Variants in ASTN1 observed in about 807,000 individuals in gnomAD.
The protein encoded by ASTN1 is astrotactin 1.
ASTN1 carries 41 observed loss-of-function variants against 140.7 expected under a neutral mutation model. The ratio of observed to expected loss-of-function variants is 0.29; its 90% CI spans 0.23 to 0.38. The LOEUF is 0.38. ASTN1 is among the 10% of genes least tolerant of loss of function. The pLI, the probability that ASTN1 is intolerant of heterozygous loss-of-function variation, is 1.00. For synonymous variants in ASTN1, 640 were observed against 652.2 expected (o/e 0.98, Z 0.29); for missense variants, 1,479 against 1,678.8 (o/e 0.88, Z 2.08).
At chr1:177,138,501 A>C (rs1295026403) in intron 1 of ASTN1, among the ~76,000 whole-genome samples, 1 of 152,216 alleles carries the variant, frequency 6.6e-6, no homozygotes, top group East Asian at 1.9e-4. Context: ...GGGAAAGCAC[A>C]GAAAGGAGAG....
At chr1:176,992,786 T>C (rs1229217822) in intron 8 of ASTN1, among the ~76,000 whole-genome samples, 1 of 152,196 alleles carries the variant, frequency 6.6e-6, no homozygotes, top group Non-Finnish European at 1.5e-5. Context: ...TAGCACTATT[T>C]GGTCATTGAT....
Position 176,946,119 on chromosome 1 carries a change from A to C in ASTN1, c.2056T>G (p.Cys686Gly). 6.3e-7 allele frequency: 1 copy of C among 1,598,538 alleles called. No individual in the cohort carries two copies. Among genetic ancestry groups the C allele is most frequent in the Admixed American group, 1.7e-5 (1 of 59,292 alleles). The change falls in exon 13 of 23, where the codon TGC (cysteine) becomes GGC (glycine). Residue 686 changes from cysteine (C) to glycine (G), a missense_variant and splice_region_variant. Coordinates refer to ENST00000361833, the MANE Select transcript of ASTN1 (RefSeq NM_004319.3). ...ACACCAAGCTTGTAGTCCTCGATGC[A>C]CCTAGCACAGAGGAGAGCTCAATAT... ...TLYNILMFCG[C>G]IEDYKLGVDG...
chr1:176,935,454 T>C (rs7521505), intron 15 of ASTN1, among the ~76,000 whole-genome samples: 8,594 of 152,270 alleles, frequency 0.056, 744 homozygotes, highest in African/African-American at 0.19. Flanking sequence ...GTCCCCATCC[T>C]AATCACTTCT....
intron 1 of ASTN1, among the ~76,000 whole-genome samples, chr1:177,073,121 C>T (rs1678724445): frequency 6.6e-6 from 1 of 152,108 alleles, no homozygotes; most frequent in African/African-American, 2.4e-5. Context: ...GAGAGGTATA[C>T]AGCATTGGTA....
At position 176,957,532 on chromosome 1, in the gene ASTN1, C is replaced by T. The variant is rs1672461123; in HGVS notation, c.1887+146G>A. 3.8e-6 allele frequency: 4 copies of T among 1,066,572 alleles called. No homozygotes were observed. In the East Asian group the frequency reaches 7.8e-5, roughly 21 times the overall value. The allele number at this position is 1,066,572 out of a possible 1,614,324, so 66.1% of individuals were successfully genotyped here. On this transcript the variant is annotated intron_variant, in intron 11 of 22. Transcript: ENST00000361833. Reference sequence around the variant, plus strand: ...TTCATGATTACCTTCTCATCCTTATCAAGAGAAAATCCCTAATTTACACTA... The same window carrying T: ...TTCATGATTACCTTCTCATCCTTATTAAGAGAAAATCCCTAATTTACACTA...
Position 177,023,580 on chromosome 1 carries a change from TGAGA to T in ASTN1, c.1271-13_1271-10del, listed in dbSNP as rs1262291390. On this transcript the variant is annotated splice_polypyrimidine_tract_variant and intron_variant, in intron 6 of 22. Coordinates refer to ENST00000361833, the MANE Select transcript of ASTN1 (RefSeq NM_004319.3). ...CAAGATGAAGCGGCTCCCTGCAGGG[TGAGA>T]GAAAGGAAGCATGCCTATATGTGCA... 6.4e-7 allele frequency: 1 copy of T among 1,569,520 alleles called. No individual in the cohort carries two copies. Among genetic ancestry groups the T allele is most frequent in the Non-Finnish European group, 8.6e-7 (1 of 1,162,974 alleles).
Position 176,955,916 on chromosome 1 carries a change from C to T in ASTN1, c.1887+1762G>A, listed in dbSNP as rs75777932. Among the ~76,000 whole-genome samples the T allele has an allele frequency of 8.8e-3, 1,335 of 152,252 alleles. 14 individuals carry two copies. The highest frequency in any genetic ancestry group is 9.7e-3 in the East Asian group (50 of 5,176). ...CACAGTGTTTCAGCACTTAGAATGA[C>T]GCCAGACAGTAATAAGAAATGAAAG... On this transcript the variant is annotated intron_variant, in intron 11 of 22. Transcript: ENST00000361833.
At chr1:176,970,604 TAGAC>T (rs921534814) in intron 8 of ASTN1, among the ~76,000 whole-genome samples, 43 of 150,886 alleles carry the variant, frequency 2.8e-4, no homozygotes, top group Admixed American at 5.3e-4. Context: ...GATAGATAGA[TAGAC>T]AGACAGACAG....
intron 1 of ASTN1, among the ~76,000 whole-genome samples, chr1:177,155,070 A>T (rs1683184443): frequency 6.6e-6 from 1 of 152,228 alleles, no homozygotes; most frequent in South Asian, 2.1e-4. Flanking sequence ...GATGTCAATA[A>T]ATCTTAAATG....
intron 16 of ASTN1, among the ~76,000 whole-genome samples, chr1:176,917,747 C>A (rs1285071231): frequency 6.6e-6 from 1 of 152,094 alleles, no homozygotes; most frequent in Non-Finnish European, 1.5e-5. Context: ...CTACTGCCAG[C>A]ATCCTCACAT....
chr1:177,138,380 C>G (rs559558685), intron 1 of ASTN1, among the ~76,000 whole-genome samples: 1 of 152,308 alleles, frequency 6.6e-6, no homozygotes, highest in Admixed American at 6.5e-5. Context: ...TCACATTCAA[C>G]TACAATCAGT....
At chr1:177,136,156 T>C (rs999526798) in intron 1 of ASTN1, among the ~76,000 whole-genome samples, 5 of 152,160 alleles carry the variant, frequency 3.3e-5, no homozygotes, top group Admixed American at 1.3e-4. Flanking sequence ...GGCACCCCTA[T>C]GCCTCACAAG....
At chr1:176,948,437 A>G (rs1327240750) in intron 12 of ASTN1, among the ~76,000 whole-genome samples, 3 of 152,340 alleles carry the variant, frequency 2.0e-5, no homozygotes, top group Middle Eastern at 3.4e-3. Flanking sequence ...GTATAAATTT[A>G]AATTTCCAGA....
intron 5 of ASTN1, 40 bp from the exon 6 acceptor site, chr1:177,024,772 G>C: frequency 6.3e-7 from 1 of 1,595,766 alleles, no homozygotes; most frequent in East Asian, 2.3e-5. Context: ...GTGGTAAAAA[G>C]CTTGGCATTG....
chr1:176,942,594 G>T (rs1474603234), intron 14 of ASTN1, among the ~76,000 whole-genome samples: 5 of 151,672 alleles, frequency 3.3e-5, no homozygotes, highest in Non-Finnish European at 7.4e-5. Context: ...GAACTGCTTA[G>T]GGCAAACCTG....
chr1:176,877,760 C>T (rs1668624093), intron 20 of ASTN1, among the ~76,000 whole-genome samples: 1 of 152,140 alleles, frequency 6.6e-6, no homozygotes, highest in Non-Finnish European at 1.5e-5. Context: ...TGTGTCACCA[C>T]AGGAGGCTGC....
chr1:177,093,567 G>A (rs1679879740), intron 1 of ASTN1, among the ~76,000 whole-genome samples: 1 of 152,152 alleles, frequency 6.6e-6, no homozygotes, highest in Admixed American at 6.5e-5. Flanking sequence ...TTAGTACTCT[G>A]AGGTGTCACT....
chr1:176,975,752 C>A (rs544878257), intron 8 of ASTN1, among the ~76,000 whole-genome samples: 1 of 152,326 alleles, frequency 6.6e-6, no homozygotes, highest in East Asian at 1.9e-4. Context: ...TTTGGTACAT[C>A]AGATTCACCC....
At chr1:176,927,772 A>G (rs926230867) in intron 16 of ASTN1, among the ~76,000 whole-genome samples, 12 of 152,220 alleles carry the variant, frequency 7.9e-5, no homozygotes, top group Non-Finnish European at 1.5e-5. Flanking sequence ...GATAAAAAGT[A>G]TGTTTTCCTT....
Sources: allele counts gnomAD v4.1 joint callset (sites outside exome capture counted in the v4.1 genomes callset), GRCh38; gene constraint gnomAD v4.1.1; transcripts MANE v1.5; gene names NCBI Gene and HGNC (gene_info 2026-07-23, HGNC 2026-07-21).